RELN: variants seen among roughly 807,000 people sequenced by gnomAD.
RELN encodes reelin.
In RELN, 108 loss-of-function variants were observed where a neutral mutation model predicts 427.6. The observed-to-expected ratio is 0.25, with a 90% CI of 0.22 to 0.30. The LOEUF (loss-of-function observed/expected upper bound fraction) is 0.30, where lower values mean the gene tolerates loss of function less well. RELN is among the 10% of genes least tolerant of loss of function. The pLI is 1.00. For synonymous variants in RELN, 1,524 were observed against 1,513.4 expected, an observed-to-expected ratio of 1.01 and a Z score of -0.16; for missense variants, 3,715 against 4,302.8, an observed-to-expected ratio of 0.86 and a Z score of 3.82.
intron 2 of RELN, among the ~76,000 whole-genome samples, chr7:103,857,261 T>C (rs761058867): frequency 6.6e-6 from 1 of 152,210 alleles, no homozygotes; most frequent in African/African-American, 2.4e-5. Flanking sequence ...AAGACCTCTA[T>C]CTAAGCTATC....
At chr7:103,889,468 C>T (rs1467538676) in intron 2 of RELN, among the ~76,000 whole-genome samples, 1 of 152,160 alleles carries the variant, frequency 6.6e-6, no homozygotes, top group South Asian at 2.1e-4. Context: ...AAGCCATATA[C>T]AATTTTATAC....
intron 9 of RELN, among the ~76,000 whole-genome samples, chr7:103,698,587 C>T (rs749197106): frequency 6.6e-6 from 1 of 152,116 alleles, no homozygotes; most frequent in African/African-American, 2.4e-5. Flanking sequence ...TATCACAGAT[C>T]ACCGTAACCT....
intron 14 of RELN, 39 bp from the exon 15 acceptor site, chr7:103,651,828 G>T: frequency 6.2e-7 from 1 of 1,603,994 alleles, no homozygotes; most frequent in South Asian, 1.1e-5. Flanking sequence ...AAGGTGGGGA[G>T]GGTAAAGATA....
intron 46 of RELN, 133 bp from the exon 47 acceptor site, chr7:103,523,664 T>C (rs1308871539): frequency 6.9e-6 from 6 of 871,410 alleles, no homozygotes; most frequent in Non-Finnish European, 1.1e-5. Flanking sequence ...AAAAGAACAT[T>C]CATTATTACA....
intron 20 of RELN, chr7:103,628,145 T>C (rs1832368901): frequency 1.3e-5 from 2 of 152,212 alleles, no homozygotes; most frequent in African/African-American, 4.8e-5. Flanking sequence ...AATTTAAATG[T>C]TCAGAAGCAT....
At chr7:103,708,991 C>A (rs552891403) in intron 8 of RELN, among the ~76,000 whole-genome samples, 2 of 152,254 alleles carry the variant, frequency 1.3e-5, no homozygotes, top group South Asian at 4.2e-4. Context: ...TTTTGTTTCA[C>A]AAATTCTAAG....
At chr7:103,899,447 C>T (rs1795034171) in intron 2 of RELN, among the ~76,000 whole-genome samples, 1 of 152,110 alleles carries the variant, frequency 6.6e-6, no homozygotes, top group Non-Finnish European at 1.5e-5. Context: ...TTTTATGAGG[C>T]CAGCATCATC....
chr7:103,922,684 T>C (rs1295973142), intron 1 of RELN, among the ~76,000 whole-genome samples: 2 of 152,298 alleles, frequency 1.3e-5, no homozygotes, highest in East Asian at 1.9e-4. Context: ...ATAGCTTCTA[T>C]TAAACATTCC....
Position 103,743,472 on chromosome 7 carries a change from T to C in RELN, c.656+5954A>G, listed in dbSNP as rs190639939. Among the ~76,000 whole-genome samples the C allele has an allele frequency of 1.6e-3, 240 of 152,248 alleles. 2 individuals are homozygous for C. In the East Asian group the frequency reaches 0.034, roughly 22 times the overall value. ...AATTAAAAGACACAGACTGGCAAATTGGATAAAGACTCAAGACCCATCAGT... is the reference window on the plus strand; with the variant it reads ...AATTAAAAGACACAGACTGGCAAATCGGATAAAGACTCAAGACCCATCAGT... On this transcript the variant is annotated intron_variant, in intron 6 of 64. Transcript: ENST00000428762.
intron 14 of RELN, among the ~76,000 whole-genome samples, chr7:103,652,338 T>A (rs1832936426): frequency 6.6e-6 from 1 of 151,590 alleles, no homozygotes; most frequent in Admixed American, 6.6e-5. Flanking sequence ...AAGATCAAGC[T>A]CTTAGAATGA....
At chr7:103,756,801 A>G (rs192276902) in intron 4 of RELN, among the ~76,000 whole-genome samples, 43 of 152,348 alleles carry the variant, frequency 2.8e-4, no homozygotes, top group African/African-American at 9.9e-4. Flanking sequence ...TGAGATAACT[A>G]AACATTATTT....
intron 28 of RELN, among the ~76,000 whole-genome samples, chr7:103,586,024 G>C (rs993188412): frequency 1.3e-5 from 2 of 152,090 alleles, no homozygotes; most frequent in Non-Finnish European, 2.9e-5. Context: ...ATGTTGATAC[G>C]ATATAAACCC....
intron 25 of RELN, 78 bp downstream of exon 25, chr7:103,596,378 T>G: frequency 7.7e-7 from 1 of 1,290,776 alleles, no homozygotes; most frequent in Non-Finnish European, 1.1e-6. Flanking sequence ...ACAGTTAACA[T>G]TTTGGAAACA....
chr7:103,735,800 A>G (rs1401381364), intron 6 of RELN, among the ~76,000 whole-genome samples: 1 of 152,128 alleles, frequency 6.6e-6, no homozygotes, highest in Non-Finnish European at 1.5e-5. Flanking sequence ...TTATCTCTCC[A>G]TAATGTATTG....
intron 43 of RELN, among the ~76,000 whole-genome samples, chr7:103,540,669 G>C (rs1201478260): frequency 6.6e-6 from 1 of 152,106 alleles, no homozygotes; most frequent in Non-Finnish European, 1.5e-5. Context: ...AGGCAATTCT[G>C]CACCCATATT....
intron 4 of RELN, among the ~76,000 whole-genome samples, chr7:103,755,631 A>T (rs79469101): frequency 0.56 from 79,788 of 141,226 alleles, 23,078 homozygotes; most frequent in Non-Finnish European, 0.6. Context: ...AAAAAATAAA[A>T]TAAATAAAAT....
chr7:103,885,839 A>C (rs889277674), intron 2 of RELN, among the ~76,000 whole-genome samples: 5 of 152,222 alleles, frequency 3.3e-5, no homozygotes, highest in African/African-American at 1.2e-4. Context: ...CTAACAATTA[A>C]AATGTTGCGT....
chr7:103,611,469 A>T, intron 21 of RELN, 142 bp downstream of exon 21: 1 of 648,136 alleles, frequency 1.5e-6, no homozygotes, highest in Non-Finnish European at 2.7e-6. Context: ...ACTTTATGTT[A>T]ATTCTAAGTT....
In RELN at chr7:103,611,741, A is replaced by G. The variant is rs561471703; in HGVS notation, c.2765T>C (p.Ile922Thr). The G allele has an allele frequency of 3.7e-6, 6 of 1,613,974 alleles. No individual in the cohort carries two copies. In the African/African-American group the frequency reaches 6.7e-5, roughly 18 times the overall value. ...GAACTGAATCATATAGGATGCTCCTATCTGCATTGATTGTGTTTCCACATA... is the reference window on the plus strand; with the variant it reads ...GAACTGAATCATATAGGATGCTCCTGTCTGCATTGATTGTGTTTCCACATA... ...MRYVETQSMQIGASYMIQFSL... is the reference protein window; with the variant it reads ...MRYVETQSMQTGASYMIQFSL... Residue 922 changes from isoleucine to threonine, a missense_variant, in exon 21 of 65, where the codon ATA becomes ACA. Transcript: ENST00000428762.
Sources: gnomAD v4.1 joint callset for allele counts (sites outside exome capture counted in the v4.1 genomes callset) on GRCh38, gnomAD v4.1.1 for gene constraint, MANE v1.5 for transcripts, NCBI Gene and HGNC (gene_info 2026-07-23, HGNC 2026-07-21) for gene names.